Variants in GLI2 observed in about 807,000 individuals in gnomAD.
GLI2 encodes the protein GLI family zinc finger 2.
Under a neutral mutation model 78.9 loss-of-function variants are expected in GLI2, and 22 were observed. The ratio of observed to expected loss-of-function variants is 0.28; its 90% CI spans 0.20 to 0.40. GLI2 has a LOEUF of 0.40. Ranked by LOEUF, GLI2 falls within the 10% of genes least tolerant of loss-of-function variation. The pLI is 1.00. For missense variants in GLI2, 2,097 were observed against 2,213.2 expected (o/e 0.95, Z 1.05); for synonymous variants, 974 against 963.7 (o/e 1.01, Z -0.20).
chr2:120,772,850 G>A (rs934142738), intron 1 of GLI2, among the ~76,000 whole-genome samples: 3 of 152,160 alleles, frequency 2.0e-5, no homozygotes, highest in Non-Finnish European at 4.4e-5. Context: ...TGCAGCCACC[G>A]TTAGGACAGC....
chr2:120,920,077 T>C (rs1457288363), intron 2 of GLI2, among the ~76,000 whole-genome samples: 4 of 152,248 alleles, frequency 2.6e-5, no homozygotes, highest in African/African-American at 9.6e-5. Flanking sequence ...GACCACATGC[T>C]TCCAAGCTAA....
At chr2:120,787,087 G>T (rs1684018086) in intron 1 of GLI2, among the ~76,000 whole-genome samples, 1 of 152,206 alleles carries the variant, frequency 6.6e-6, no homozygotes, top group Non-Finnish European at 1.5e-5. Flanking sequence ...CTTGACCTTG[G>T]CAGGCACACA....
intron 2 of GLI2, among the ~76,000 whole-genome samples, chr2:120,830,549 C>T (rs1686309218): frequency 6.6e-6 from 1 of 152,264 alleles, no homozygotes; most frequent in Non-Finnish European, 1.5e-5. Context: ...AAGGGCAGCA[C>T]ATGCTGGTAA....
At chr2:120,769,377 G>A (rs925626924) in intron 1 of GLI2, among the ~76,000 whole-genome samples, 4 of 152,180 alleles carry the variant, frequency 2.6e-5, no homozygotes, top group Non-Finnish European at 5.9e-5. Flanking sequence ...GGGGGATTCC[G>A]GGGCTCCATG....
chr2:120,915,230 G>A (rs960798210), intron 2 of GLI2, among the ~76,000 whole-genome samples: 15 of 152,340 alleles, frequency 9.8e-5, no homozygotes, highest in African/African-American at 3.1e-4. Context: ...GGCAGTGTGC[G>A]TGGGCGGACC....
At chr2:120,796,153 C>G (rs1036043231) in intron 1 of GLI2, among the ~76,000 whole-genome samples, 2 of 152,240 alleles carry the variant, frequency 1.3e-5, no homozygotes, top group South Asian at 4.1e-4. Context: ...TGACCCACCA[C>G]TCAGCTGGAG....
At chr2:120,851,463 T>C (rs559324565) in intron 2 of GLI2, among the ~76,000 whole-genome samples, 1 of 152,350 alleles carries the variant, frequency 6.6e-6, no homozygotes, top group Admixed American at 6.5e-5. Context: ...CAGGTTGTGG[T>C]TGGGCTTGTC....
At position 120,927,230 on chromosome 2, in the gene GLI2, C is replaced by T. The variant is rs79606005; in HGVS notation, c.149-131C>T. ...CCCCCTTCGTGGGTGTGTGATCGCG[C>T]GGGCACTGCGGAGCCCCTTGTCCTG... On this transcript the variant is annotated intron_variant, in intron 2 of 13. Transcript: ENST00000361492. 719 of 770,732 alleles carry T rather than the reference C, an allele frequency of 9.3e-4. 5 individuals are homozygous for T. In the East Asian group the frequency reaches 0.016, roughly 17 times the overall value. 47.7% of individuals were successfully genotyped at this position (770,732 alleles called of 1,614,324 possible). A position where few individuals can be genotyped will look rare whatever the true frequency, so the allele number is the denominator to read the frequency against.
At chr2:120,860,585 G>T (rs1412527948) in intron 2 of GLI2, among the ~76,000 whole-genome samples, 1 of 152,240 alleles carries the variant, frequency 6.6e-6, no homozygotes, top group East Asian at 1.9e-4. Flanking sequence ...CTTGAAGGAT[G>T]AATGGCTGAG....
chr2:120,772,998 A>G (rs565351498), intron 1 of GLI2, among the ~76,000 whole-genome samples: 33 of 152,270 alleles, frequency 2.2e-4, no homozygotes, highest in African/African-American at 7.2e-4. Context: ...TCAATGTGTA[A>G]ATATTGCTCT....
intron 1 of GLI2, among the ~76,000 whole-genome samples, chr2:120,770,177 G>A (rs1457569954): frequency 1.3e-5 from 2 of 152,180 alleles, no homozygotes; most frequent in Admixed American, 1.3e-4. Context: ...AGGCTTCCAT[G>A]TTCCCAGCAC....
chr2:120,746,084 C>T (rs1025774152), intron 1 of GLI2, among the ~76,000 whole-genome samples: 2 of 152,166 alleles, frequency 1.3e-5, no homozygotes, highest in Non-Finnish European at 2.9e-5. Flanking sequence ...CCAAGAGCAG[C>T]AGAGGCCCCA....
chr2:120,927,293 C>T (rs990448217), intron 2 of GLI2, 68 bp from the exon 3 acceptor site: 25 of 1,152,648 alleles, frequency 2.2e-5, no homozygotes, highest in Non-Finnish European at 3.0e-5. Context: ...CTTTAAAGCC[C>T]TTTGAAAGTA....
chr2:120,793,310 T>A (rs528863325), intron 1 of GLI2, among the ~76,000 whole-genome samples: 1 of 152,224 alleles, frequency 6.6e-6, no homozygotes, highest in Non-Finnish European at 1.5e-5. Flanking sequence ...AAGTGAGGAA[T>A]TGACTCTTCT....
At chr2:120,753,484 T>C (rs960062797) in intron 1 of GLI2, among the ~76,000 whole-genome samples, 3 of 152,244 alleles carry the variant, frequency 2.0e-5, no homozygotes, top group Non-Finnish European at 4.4e-5. Context: ...ATATTAAATA[T>C]TTAAATACTT....
chr2:120,927,395 C>T lies in GLI2; in HGVS notation c.183C>T (p.Pro61=), dbSNP rs1679735973. 3 of 1,614,022 alleles carry T rather than the reference C, an allele frequency of 1.9e-6. No homozygotes were observed. The highest frequency in any genetic ancestry group is 2.5e-6 in the Non-Finnish European group (3 of 1,179,866). The change falls in exon 3 of 14, where the codon CCC becomes CCT. Residue 61 remains proline, a synonymous_variant. Transcript: ENST00000361492. The part of the protein sequence containing the change: ...PQHLLPPFHA[P]LPIDMRHQEG... ...ATCTCTTGCCACCATTCCATGCGCCCCTACCGATTGACATGCGACACCAGG... is the reference window on the plus strand; with the variant it reads ...ATCTCTTGCCACCATTCCATGCGCCTCTACCGATTGACATGCGACACCAGG...
At chr2:120,931,116 A>C (rs11122831) in intron 3 of GLI2, among the ~76,000 whole-genome samples, 7 of 152,180 alleles carry the variant, frequency 4.6e-5, no homozygotes, top group Non-Finnish European at 1.0e-4. Context: ...AAACAATGTA[A>C]ACTTATCCTC....
At chr2:120,793,031 T>C (rs1684221675) in intron 1 of GLI2, among the ~76,000 whole-genome samples, 1 of 152,184 alleles carries the variant, frequency 6.6e-6, no homozygotes, top group Non-Finnish European at 1.5e-5. Flanking sequence ...GAAATGCAGC[T>C]CTTCTTGCCA....
At chr2:120,859,744 C>T (rs1055213082) in intron 2 of GLI2, among the ~76,000 whole-genome samples, 6 of 151,176 alleles carry the variant, frequency 4.0e-5, no homozygotes, top group Non-Finnish European at 7.4e-5. Flanking sequence ...CGTGAGCCAT[C>T]GGGCCCGGCC....
Sources: gnomAD v4.1 joint callset for allele counts (sites outside exome capture counted in the v4.1 genomes callset) on GRCh38, gnomAD v4.1.1 for gene constraint, MANE v1.5 for transcripts, NCBI Gene and HGNC (gene_info 2026-07-23, HGNC 2026-07-21) for gene names.